Variants in RELL1 observed in about 807,000 individuals in gnomAD.
The protein encoded by RELL1 is RELT-like protein 1.
A neutral mutation model predicts 23.0 loss-of-function variants in RELL1; 10 were observed. The observed-to-expected ratio is 0.43, with a 90% confidence interval of 0.27 to 0.74. RELL1 has a LOEUF of 0.74. RELL1 is among the 30% of genes least tolerant of loss of function. The pLI, the probability that RELL1 is intolerant of heterozygous loss-of-function variation, is 0.19. For missense variants in RELL1, 315 were observed against 364.4 expected (o/e 0.86, Z 1.10); for synonymous variants, 146 against 146.8 (o/e 0.99, Z 0.04).
At chr4:37,590,135 A>T, downstream of RELL1, 1 of 1,614,204 alleles carries the variant, frequency 6.2e-7, no homozygotes. Context: ...TATGTCAATG[A>T]AGTCAACAGC....
At chr4:37,633,702 A>C (rs1720220855) in intron 5 of RELL1, among the ~76,000 whole-genome samples, 1 of 152,226 alleles carries the variant, frequency 6.6e-6, no homozygotes, top group Admixed American at 6.5e-5. Flanking sequence ...AATACCAGCC[A>C]ACATTTCTTG....
intron 3 of RELL1, among the ~76,000 whole-genome samples, chr4:37,645,763 T>C (rs1720690945): frequency 6.6e-6 from 1 of 152,244 alleles, no homozygotes; most frequent in Non-Finnish European, 1.5e-5. Flanking sequence ...GAAGATTAAA[T>C]GAGATTACGT....
At chr4:37,664,984 G>GTGGGGAAGTGAAGGTTTGTACC (rs1721481010) in intron 1 of RELL1, among the ~76,000 whole-genome samples, 1 of 152,154 alleles carries the variant, frequency 6.6e-6, no homozygotes, top group Non-Finnish European at 1.5e-5. Context: ...CTAAGTGGAG[G>GTGGGGAAGTGAAGGTTTGTACC]TGGGGAAGTG....
intron 6 of RELL1, among the ~76,000 whole-genome samples, chr4:37,604,810 G>GACACACACACACACACACACACACACAC (rs199773530): frequency 1.4e-5 from 1 of 73,596 alleles, no homozygotes; most frequent in African/African-American, 6.6e-5. Context: ...CACACACACA[G>GACACACACACACACACACACACACACAC]ACACACACAC....
chr4:37,655,710 T>C (rs1721093194), intron 1 of RELL1, among the ~76,000 whole-genome samples: 1 of 152,214 alleles, frequency 6.6e-6, no homozygotes, highest in South Asian at 2.1e-4. Flanking sequence ...AGTTCAGTTT[T>C]GAACACGCAG....
At chr4:37,668,760 T>C (rs1272908244) in intron 1 of RELL1, among the ~76,000 whole-genome samples, 2 of 132,148 alleles carry the variant, frequency 1.5e-5, no homozygotes, top group Non-Finnish European at 3.0e-5. Flanking sequence ...CCATCCCATC[T>C]AGGAAGTGAG....
chr4:37,632,319 G>A lies in RELL1; in HGVS notation c.681-796C>T, dbSNP rs548347649. On this transcript the variant is annotated intron_variant, in intron 5 of 6. Transcript: ENST00000454158. ...CTCAAGTAGCTGGGATTACAGCCAT[G>A]TGCCACCATGCCTGGCTAATTTTGT... 2.0e-5 allele frequency among the ~76,000 whole-genome samples: 3 copies of A among 149,902 alleles called. No homozygotes were observed. In the East Asian group the frequency reaches 6.1e-4, roughly 30 times the overall value.
At chr4:37,637,384 T>A (rs1720369078) in intron 4 of RELL1, among the ~76,000 whole-genome samples, 1 of 152,240 alleles carries the variant, frequency 6.6e-6, no homozygotes, top group Non-Finnish European at 1.5e-5. Context: ...TCCAGCCCCT[T>A]TGCCATGTCA....
At chr4:37,597,074 G>C (rs985381413) in intron 6 of RELL1, among the ~76,000 whole-genome samples, 12 of 151,402 alleles carry the variant, frequency 7.9e-5, no homozygotes, top group African/African-American at 2.2e-4. Context: ...AAAGCACATA[G>C]AGCATACACA....
At chr4:37,591,039 C>G in exon 7 of RELL1, 1 of 1,542,256 alleles carries the variant, frequency 6.5e-7, no homozygotes, top group Non-Finnish European at 8.8e-7. Flanking sequence ...TGGTGTCATG[C>G]TGAGCATGCA....
At chr4:37,686,144 C>T (rs1260058663) in intron 1 of RELL1, 56 bp downstream of exon 1, 4 of 1,459,082 alleles carry the variant, frequency 2.7e-6, no homozygotes, top group Admixed American at 2.0e-5. Flanking sequence ...CGCTTCCTTC[C>T]GCGCTCCCGG....
At position 37,635,038 on chromosome 4, in the gene RELL1, C is replaced by A; in HGVS notation, c.529G>T (p.Gly177Cys). The change falls in exon 5 of 7, where the codon GGC becomes TGC. Residue 177 changes from glycine to cysteine, a missense_variant. Transcript: ENST00000454158. Reference sequence around the variant, plus strand: ...CCGCCCACCGTATGCAGATGATGGCCACAGACGTGCTTCCCTGGCGTCCCC... The same window carrying A: ...CCGCCCACCGTATGCAGATGATGGCAACAGACGTGCTTCCCTGGCGTCCCC... Reference protein sequence around the residue: ...PGGTPGKHVCGHHLHTVGGVV... With the variant: ...PGGTPGKHVCCHHLHTVGGVV... The A allele has an allele frequency of 6.2e-7, 1 of 1,614,212 alleles. No individual in the cohort carries two copies.
chr4:37,604,207 T>C (rs772435094), intron 6 of RELL1, among the ~76,000 whole-genome samples: 3 of 152,056 alleles, frequency 2.0e-5, no homozygotes, highest in Non-Finnish European at 4.4e-5. Context: ...AGCTGCCCAC[T>C]ACTCCCCTAA....
rs557735189 is a variant in RELL1, at chr4:37,612,156, G to A, written c.*1190C>T. ...CGTGCCACTGCACTCCAGCCTGGGCGACAGAGCGAGACTCCGCCTCAAAAA... is the reference window on the plus strand; with the variant it reads ...CGTGCCACTGCACTCCAGCCTGGGCAACAGAGCGAGACTCCGCCTCAAAAA... On this transcript the variant is annotated 3_prime_UTR_variant, in exon 7 of 7. Coordinates refer to ENST00000454158, the MANE Select transcript of RELL1 (RefSeq NM_001085400.2). Among the ~76,000 whole-genome samples, 257 of 135,694 alleles carry A rather than the reference G, an allele frequency of 1.9e-3. No homozygotes were observed. The highest frequency in any genetic ancestry group is 7.0e-3 in the African/African-American group (248 of 35,400). The allele number at this position is 135,694 out of a possible 152,430, so 89.0% of individuals were successfully genotyped here.
intron 1 of RELL1, among the ~76,000 whole-genome samples, chr4:37,671,798 T>A (rs939727493): frequency 6.6e-6 from 1 of 152,138 alleles, no homozygotes. Flanking sequence ...TTCACTTTAC[T>A]CTACGGATTT....
chr4:37,640,185 AC>A (rs1372611569), intron 3 of RELL1, among the ~76,000 whole-genome samples: 1 of 152,194 alleles, frequency 6.6e-6, no homozygotes, highest in Non-Finnish European at 1.5e-5. Flanking sequence ...TTAATACAAC[AC>A]TTAATCTTTT....
chr4:37,640,542 A>G (rs1016902351), intron 3 of RELL1, among the ~76,000 whole-genome samples: 6 of 152,220 alleles, frequency 3.9e-5, no homozygotes, highest in Non-Finnish European at 7.3e-5. Flanking sequence ...TGTTCCCCAG[A>G]TCCGTGCAGA....
At chr4:37,600,809 T>TGTGTG (rs1322415855) in intron 6 of RELL1, among the ~76,000 whole-genome samples, 10 of 57,916 alleles carry the variant, frequency 1.7e-4, no homozygotes, top group African/African-American at 7.2e-4. Flanking sequence ...GTGTGTGTAG[T>TGTGTG]TTTTGTTTGA....
chr4:37,640,617 T>C (rs1365934247), intron 3 of RELL1, among the ~76,000 whole-genome samples: 1 of 152,214 alleles, frequency 6.6e-6, no homozygotes, highest in Non-Finnish European at 1.5e-5. Flanking sequence ...CCATACACTT[T>C]AAGTCATCTT....
Sources: gnomAD v4.1 joint callset for allele counts (sites outside exome capture counted in the v4.1 genomes callset) on GRCh38, gnomAD v4.1.1 for gene constraint, MANE v1.5 for transcripts, NCBI Gene and HGNC (gene_info 2026-07-23, HGNC 2026-07-21) for gene names.